ABCG2: variants seen among roughly 807,000 people sequenced by gnomAD.
ABCG2 encodes ATP binding cassette subfamily G member 2 (JR blood group).
In ABCG2, 80 loss-of-function variants were observed where a neutral mutation model predicts 73.5. The ratio of observed to expected loss-of-function variants is 1.09; its 90% CI spans 0.91 to 1.31. The LOEUF is 1.31. Among genes scored for constraint, ABCG2 ranks in the 50% most tolerant of loss-of-function variants. The pLI is 0.00. For synonymous variants in ABCG2, 269 were observed against 282.4 expected (o/e 0.95, Z 0.48); for missense variants, 796 against 786.2 (o/e 1.01, Z -0.15).
chr4:88,209,323 A>C (rs929142484), intron 1 of ABCG2, among the ~76,000 whole-genome samples: 4 of 151,518 alleles, frequency 2.6e-5, no homozygotes. Flanking sequence ...AAAAAAAAAA[A>C]AAACAAAAAA....
At chr4:88,140,129 C>G (rs1307908918) in intron 1 of ABCG2, 115 bp from the exon 2 acceptor site, 6 of 843,658 alleles carry the variant, frequency 7.1e-6, no homozygotes, top group Non-Finnish European at 1.1e-5. Flanking sequence ...TGAGCAGCTT[C>G]ATTTCCAATG....
chr4:88,138,978 T>C (rs1725430226), intron 2 of ABCG2, among the ~76,000 whole-genome samples: 1 of 151,838 alleles, frequency 6.6e-6, no homozygotes, highest in Non-Finnish European at 1.5e-5. Flanking sequence ...CCATCTTGAC[T>C]AAAAATACAA....
chr4:88,187,861 T>C (rs935857492), intron 1 of ABCG2, among the ~76,000 whole-genome samples: 2 of 152,132 alleles, frequency 1.3e-5, no homozygotes, highest in African/African-American at 4.8e-5. Context: ...TCTCTGAAAA[T>C]ATGCTATTAA....
chr4:88,131,971 G>A, intron 3 of ABCG2, 54 bp from the exon 4 acceptor site: 2 of 1,363,056 alleles, frequency 1.5e-6, no homozygotes, highest in Non-Finnish European at 2.1e-6. Context: ...GAATATATAT[G>A]TTGTGGGGTT....
intron 1 of ABCG2, among the ~76,000 whole-genome samples, chr4:88,168,241 C>T (rs1727620273): frequency 3.3e-5 from 5 of 152,096 alleles, no homozygotes; most frequent in Admixed American, 3.3e-4. Flanking sequence ...GTAATCCCAG[C>T]GCTTTGGGAG....
rs562336750 is a variant in ABCG2, at chr4:88,091,606, T to C, written c.*628A>G. ...TGGTGCAAGAATTCTATTACTGGAC[T>C]CCTGGCCCTCTACTCTACCCACAGT... On this transcript the variant is annotated 3_prime_UTR_variant, in exon 16 of 16. Transcript: ENST00000237612. 6.6e-6 allele frequency: 1 copy of C among 152,332 alleles called. No individual in the cohort carries two copies. Among genetic ancestry groups the C allele is most frequent in the South Asian group, 2.1e-4 (1 of 4,814 alleles). The allele number at this position is 152,332 out of a possible 1,614,324, so 9.4% of individuals were successfully genotyped here.
At chr4:88,111,408 A>C (rs991934257) in intron 9 of ABCG2, among the ~76,000 whole-genome samples, 9 of 152,188 alleles carry the variant, frequency 5.9e-5, no homozygotes, top group African/African-American at 1.9e-4. Flanking sequence ...CGTACCAAAA[A>C]CATTTGGAGA....
intron 1 of ABCG2, among the ~76,000 whole-genome samples, chr4:88,212,185 A>G (rs1469148374): frequency 6.6e-6 from 1 of 152,140 alleles, no homozygotes; most frequent in Non-Finnish European, 1.5e-5. Flanking sequence ...ACTTTCTGAT[A>G]TTGCTTATTC....
intron 1 of ABCG2, among the ~76,000 whole-genome samples, chr4:88,177,086 T>A (rs1165649705): frequency 2.0e-5 from 3 of 152,084 alleles, no homozygotes; most frequent in South Asian, 4.1e-4. Context: ...TATATAAAAA[T>A]GAATGGCCGG....
intron 9 of ABCG2, among the ~76,000 whole-genome samples, chr4:88,109,164 A>G (rs1461177718): frequency 1.3e-5 from 2 of 151,682 alleles, no homozygotes; most frequent in Non-Finnish European, 2.9e-5. Context: ...AAGCCCAGCT[A>G]ATTTTTTGTA....
At chr4:88,206,530 C>A (rs76212402) in intron 1 of ABCG2, 1 of 152,090 alleles carries the variant, frequency 6.6e-6, no homozygotes, top group Non-Finnish European at 1.5e-5. Flanking sequence ...GAAGTGTTAA[C>A]CTTCTGTCCT....
Position 88,158,533 on chromosome 4 carries a change from AACAAGACC to A in ABCG2, c.-175_-168del. 2.2e-6 allele frequency: 1 copy of A among 456,404 alleles called. No individual in the cohort carries two copies. Among genetic ancestry groups the A allele is most frequent in the Non-Finnish European group, 4.4e-6 (1 of 226,960 alleles). The allele number at this position is 456,404 out of a possible 1,614,324, so 28.3% of individuals were successfully genotyped here. On this transcript the variant is annotated 5_prime_UTR_variant, in exon 1 of 16. An upstream open reading frame in the 5' UTR gains an earlier in-frame stop. Transcript: ENST00000237612. ...AACTCTAAAGCAGCAGTTTCCACTT[AACAAGACC>A]ACCAAGCATGTGCACGGTGCGTTCC...
intron 1 of ABCG2, among the ~76,000 whole-genome samples, chr4:88,223,444 G>A (rs190348057): frequency 1.9e-3 from 292 of 152,212 alleles, no homozygotes; most frequent in Middle Eastern, 6.8e-3. Flanking sequence ...GAGTTCTCAT[G>A]AGATCTGATG....
chr4:88,192,735 G>A (rs4693928), intron 1 of ABCG2, among the ~76,000 whole-genome samples: 81,949 of 142,810 alleles, frequency 0.57, 23,561 homozygotes, highest in East Asian at 0.99. Flanking sequence ...TTTTTTAAAC[G>A]GAGTCTTGCT....
At chr4:88,156,363 T>C (rs1351380698) in intron 1 of ABCG2, among the ~76,000 whole-genome samples, 1 of 82,626 alleles carries the variant, frequency 1.2e-5, no homozygotes, top group African/African-American at 4.8e-5. Context: ...CGACAAAGAC[T>C]CCGTCTCAAA....
At chr4:88,114,936 G>T in intron 8 of ABCG2, 21 bp downstream of exon 8, 2 of 1,547,128 alleles carry the variant, frequency 1.3e-6, no homozygotes, top group South Asian at 1.2e-5. Context: ...AAAAATCTGG[G>T]ACTGTAACAG....
intron 1 of ABCG2, among the ~76,000 whole-genome samples, chr4:88,201,225 A>AAAG (rs1553945570): frequency 1.2e-4 from 18 of 151,410 alleles, no homozygotes; most frequent in Middle Eastern, 3.4e-3. Context: ...AAAAAAAAAA[A>AAAG]AGAGAGAGGA....
chr4:88,140,045 A>C (rs1725523098), intron 1 of ABCG2, 31 bp from the exon 2 acceptor site: 1 of 1,566,242 alleles, frequency 6.4e-7, no homozygotes, highest in Non-Finnish European at 8.7e-7. Context: ...GTAAGTTGAT[A>C]GTCCAGATAA....
chr4:88,150,890 A>G (rs969976467), intron 1 of ABCG2, among the ~76,000 whole-genome samples: 1 of 152,162 alleles, frequency 6.6e-6, no homozygotes, highest in Non-Finnish European at 1.5e-5. Flanking sequence ...TCCATAGCCT[A>G]TGAGAGCTCC....
Sources: gnomAD v4.1 joint callset for allele counts (sites outside exome capture counted in the v4.1 genomes callset) on GRCh38, gnomAD v4.1.1 for gene constraint, MANE v1.5 for transcripts, NCBI Gene and HGNC (gene_info 2026-07-23, HGNC 2026-07-21) for gene names.